Variants in NBAS observed in about 807,000 individuals in gnomAD.
NBAS encodes the protein NAG/BC035112 fusion.
NBAS carries 219 observed loss-of-function variants against 302.5 expected under a neutral mutation model. The observed-to-expected ratio is 0.72, with a 90% CI of 0.65 to 0.81. NBAS has a LOEUF of 0.81. NBAS is among the 30% of genes least tolerant of loss of function. The pLI, the probability that NBAS is intolerant of heterozygous loss-of-function variation, is 0.00. For missense variants in NBAS, 2,932 were observed against 2,841.6 expected (o/e 1.03, Z -0.72); for synonymous variants, 1,118 against 1,021.6 (o/e 1.09, Z -1.80).
rs147016221 is a variant in NBAS, at chr2:15,257,476, T to C, written c.5724+18008A>G. 7.3e-3 allele frequency among the ~76,000 whole-genome samples: 1,092 copies of C among 150,520 alleles called. 19 individuals are homozygous for C. Among genetic ancestry groups the C allele is most frequent in the Middle Eastern group, 0.01 (3 of 286 alleles). On this transcript the variant is annotated intron_variant, in intron 44 of 51. Coordinates refer to ENST00000281513, the MANE Select transcript of NBAS (RefSeq NM_015909.4). ...GGCACAATCTTGGTTCACTGCAACCTCTGCCTCCCGCATTCGAGAGATTCT... is the reference window on the plus strand; with the variant it reads ...GGCACAATCTTGGTTCACTGCAACCCCTGCCTCCCGCATTCGAGAGATTCT...
At chr2:14,940,879 C>T in the NBAS span, among the ~76,000 whole-genome samples, 4 of 152,210 alleles carry the variant, frequency 2.6e-5, no homozygotes, top group African/African-American at 9.6e-5. Flanking sequence ...TAAATACCTG[C>T]CTGTAGGCTG....
At chr2:15,520,364 T>C (rs965424994) in intron 9 of NBAS, among the ~76,000 whole-genome samples, 3 of 152,046 alleles carry the variant, frequency 2.0e-5, no homozygotes, top group Admixed American at 2.0e-4. Flanking sequence ...ATCACATACA[T>C]CACTGCACTC....
intron 31 of NBAS, among the ~76,000 whole-genome samples, chr2:15,373,645 G>A (rs1484436787): frequency 6.6e-6 from 1 of 152,132 alleles, no homozygotes; most frequent in Non-Finnish European, 1.5e-5. Context: ...GAATTTGTCT[G>A]AGATGCAAAA....
At chr2:15,354,279 G>A (rs1000749424) in intron 33 of NBAS, among the ~76,000 whole-genome samples, 1 of 152,184 alleles carries the variant, frequency 6.6e-6, no homozygotes. Context: ...TCTAAGGACA[G>A]TGACCGAATC....
At chr2:14,809,498 T>A in the NBAS span, among the ~76,000 whole-genome samples, 2 of 152,158 alleles carry the variant, frequency 1.3e-5, no homozygotes, top group African/African-American at 4.8e-5. Context: ...GTTGAGCCTG[T>A]GGGTGCACAG....
chr2:15,077,939 C>T, the NBAS span, among the ~76,000 whole-genome samples: 2 of 152,032 alleles, frequency 1.3e-5, no homozygotes, highest in Non-Finnish European at 2.9e-5. Flanking sequence ...GCCTCAGCCT[C>T]CCAAAATGCT....
the NBAS span, among the ~76,000 whole-genome samples, chr2:14,998,270 G>A: frequency 6.6e-6 from 1 of 152,172 alleles, no homozygotes; most frequent in Non-Finnish European, 1.5e-5. Context: ...TGGATGCTCT[G>A]ATTACTTAAG....
Position 15,274,929 on chromosome 2 carries a change from T to C in NBAS, c.5724+555A>G, listed in dbSNP as rs1428941971. Among the ~76,000 whole-genome samples, 3 of 151,300 alleles carry C rather than the reference T, an allele frequency of 2.0e-5. No individual in the cohort carries two copies. The East Asian group carries it at 5.9e-4, about 30-fold the overall frequency. On this transcript the variant is annotated intron_variant, in intron 44 of 51. Transcript: ENST00000281513. The stretch of plus-strand genomic sequence containing the variant: ...ACAGGTGCATACCACCACACCCAGG[T>C]AATTTTTTTTTTTTTGGTTTTTTTT...
At chr2:14,958,975 C>T in the NBAS span, among the ~76,000 whole-genome samples, 1 of 152,164 alleles carries the variant, frequency 6.6e-6, no homozygotes, top group Non-Finnish European at 1.5e-5. Context: ...TGGAGTAACA[C>T]TGAAGAGGCT....
chr2:15,391,611 A>C (rs1675608612), intron 28 of NBAS, among the ~76,000 whole-genome samples: 1 of 152,142 alleles, frequency 6.6e-6, no homozygotes, highest in Non-Finnish European at 1.5e-5. Flanking sequence ...GAGGAGCAGA[A>C]GATAAAGGAG....
At position 15,283,025 on chromosome 2, in the gene NBAS, G is replaced by A. The variant is rs553819365; in HGVS notation, c.5138+4048C>T. ...TACTACAACATACAACTTGCTTTTC[G>A]GCAGCTTTTGTGGGCGTCAGGGTGA... On this transcript the variant is annotated intron_variant, in intron 42 of 51. Transcript: ENST00000281513. Among the ~76,000 whole-genome samples the A allele has an allele frequency of 6.4e-4, 97 of 152,124 alleles. 1 individual carries two copies. Among genetic ancestry groups the A allele is most frequent in the African/African-American group, 2.1e-3 (87 of 41,488 alleles).
In NBAS at chr2:15,467,345, C is replaced by T. The variant is rs765589221; in HGVS notation, c.2081G>A (p.Arg694Gln). Residue 694 changes from arginine (R) to glutamine (Q), a missense_variant, in exon 19 of 52, where the codon CGA (arginine) becomes CAA (glutamine). Transcript: ENST00000281513. ...ATTCATTACCTCATATGTTGCAAGT[C>T]GATCTAAGTAGGTTAATAACTTCCG... ...CRRKLLTYLDRLATYEEILGV... is the reference protein window; with the variant it reads ...CRRKLLTYLDQLATYEEILGV... 2.0e-5 allele frequency: 32 copies of T among 1,612,162 alleles called. No homozygotes were observed. Among genetic ancestry groups the T allele is most frequent in the Non-Finnish European group, 2.5e-5 (30 of 1,178,538 alleles).
At chr2:15,003,139 G>T in the NBAS span, among the ~76,000 whole-genome samples, 2 of 152,252 alleles carry the variant, frequency 1.3e-5, no homozygotes, top group African/African-American at 4.8e-5. Context: ...TTCAGAGGAG[G>T]GAGAAATTAA....
chr2:15,190,897 A>T (rs973617105), intron 48 of NBAS, among the ~76,000 whole-genome samples: 8 of 152,206 alleles, frequency 5.3e-5, no homozygotes, highest in Non-Finnish European at 1.0e-4. Flanking sequence ...CTATAAATCA[A>T]AATAGAATAA....
At chr2:15,545,941 G>GA (rs1664085612) in intron 6 of NBAS, among the ~76,000 whole-genome samples, 1 of 152,120 alleles carries the variant, frequency 6.6e-6, no homozygotes. Context: ...CTTGCTGGTG[G>GA]AATCAAATAC....
intron 44 of NBAS, among the ~76,000 whole-genome samples, chr2:15,272,294 C>T (rs1669360425): frequency 6.6e-6 from 1 of 152,208 alleles, no homozygotes; most frequent in South Asian, 2.1e-4. Context: ...TGTGGGTACA[C>T]ATTTGAAAAC....
rs550724559 is a variant in NBAS, at chr2:15,311,640, T to C, written c.4583-2393A>G. On this transcript the variant is annotated intron_variant, in intron 38 of 51. Coordinates refer to ENST00000281513, the MANE Select transcript of NBAS (RefSeq NM_015909.4). ...AACAGACTTAAATAGTCACACTTGA[T>C]GAGCTGACAAACCTCTGTTATCTTA... Among the ~76,000 whole-genome samples, 7 of 152,360 alleles carry C rather than the reference T, an allele frequency of 4.6e-5. No homozygotes were observed. The South Asian group carries it at 1.4e-3, about 32-fold the overall frequency.
rs528616235 is a variant in NBAS, at chr2:15,463,053, G to A, written c.2098-1262C>T. ...TTTGGCAGGCTGAAGTGGGAGGATC[G>A]CTTGAGCCCAAGAGTTTGAGAACAG... is the stretch of plus-strand genomic sequence containing the variant. On this transcript the variant is annotated intron_variant, in intron 19 of 51. Coordinates refer to ENST00000281513, the MANE Select transcript of NBAS (RefSeq NM_015909.4). Among the ~76,000 whole-genome samples the A allele has an allele frequency of 1.5e-4, 23 of 152,242 alleles. No individual in the cohort carries two copies. In the South Asian group the frequency reaches 4.1e-3, roughly 27 times the overall value.
chr2:15,389,592 GAA>G (rs1415704476), intron 28 of NBAS, among the ~76,000 whole-genome samples: 1 of 152,164 alleles, frequency 6.6e-6, no homozygotes, highest in East Asian at 1.9e-4. Flanking sequence ...TAGAAGACAT[GAA>G]AAGACATGGA....
Sources: allele counts gnomAD v4.1 joint callset (sites outside exome capture counted in the v4.1 genomes callset), GRCh38; gene constraint gnomAD v4.1.1; transcripts MANE v1.5; gene names NCBI Gene and HGNC (gene_info 2026-07-23, HGNC 2026-07-21).